The following AKAP19 variants were observed in gnomAD, a reference collection of about 807,000 sequenced individuals.
AKAP19 encodes A-kinase anchoring protein 19, also known as small A-kinase anchoring protein.
At chr2:190,073,179 T>A in the AKAP19 span, among the ~76,000 whole-genome samples, 1 of 152,086 alleles carries the variant, frequency 6.6e-6, no homozygotes, top group Non-Finnish European at 1.5e-5. Flanking sequence ...ACTGCAAAAG[T>A]ATTATGGAAA....
At chr2:189,923,872 C>A in the AKAP19 span, 1 of 1,610,708 alleles carries the variant, frequency 6.2e-7, no homozygotes, top group Non-Finnish European at 8.5e-7. Flanking sequence ...AAGGAGATGA[C>A]CTTCAGGCCA....
the AKAP19 span, among the ~76,000 whole-genome samples, chr2:190,122,905 G>A: frequency 6.6e-6 from 1 of 151,656 alleles, no homozygotes; most frequent in Non-Finnish European, 1.5e-5. Flanking sequence ...GAACACTTGG[G>A]CTCATGCTAT....
At chr2:189,928,042 A>C in the AKAP19 span, among the ~76,000 whole-genome samples, 1 of 152,144 alleles carries the variant, frequency 6.6e-6, no homozygotes, top group Admixed American at 6.5e-5. Context: ...AGTGACATTT[A>C]GATTTCATGT....
At chr2:189,945,850 T>C in the AKAP19 span, among the ~76,000 whole-genome samples, 1 of 152,198 alleles carries the variant, frequency 6.6e-6, no homozygotes, top group Non-Finnish European at 1.5e-5. Flanking sequence ...AAGTTAATAT[T>C]AAGTAGTCAT....
the AKAP19 span, among the ~76,000 whole-genome samples, chr2:190,101,896 T>G: frequency 4.6e-5 from 7 of 152,258 alleles, no homozygotes; most frequent in African/African-American, 1.7e-4. Flanking sequence ...AGAATATATA[T>G]ATTCTTCTCA....
At chr2:190,098,698 C>G in the AKAP19 span, among the ~76,000 whole-genome samples, 1 of 152,204 alleles carries the variant, frequency 6.6e-6, no homozygotes, top group African/African-American at 2.4e-5. Context: ...TCGACTTCTC[C>G]TCTCTAGCTA....
the AKAP19 span, among the ~76,000 whole-genome samples, chr2:190,018,680 T>C: frequency 1.3e-5 from 2 of 152,232 alleles, no homozygotes; most frequent in Non-Finnish European, 2.9e-5. Flanking sequence ...TATTTCCTTT[T>C]GGAGGAGTCA....
At chr2:190,142,760 G>A in the AKAP19 span, among the ~76,000 whole-genome samples, 1 of 152,224 alleles carries the variant, frequency 6.6e-6, no homozygotes, top group Non-Finnish European at 1.5e-5. Flanking sequence ...CCACTGTGCA[G>A]GCTCTTGATA....
At chr2:190,007,751 A>G in the AKAP19 span, among the ~76,000 whole-genome samples, 1 of 152,214 alleles carries the variant, frequency 6.6e-6, no homozygotes, top group Non-Finnish European at 1.5e-5. Context: ...GCCTGAGCTC[A>G]GGAGTTCGAG....
the AKAP19 span, among the ~76,000 whole-genome samples, chr2:190,068,542 G>T: frequency 6.6e-6 from 1 of 152,152 alleles, no homozygotes. Context: ...TGTTGGCTAG[G>T]CTGGTTTCGA....
At chr2:189,922,787 G>T in the AKAP19 span, among the ~76,000 whole-genome samples, 1 of 152,078 alleles carries the variant, frequency 6.6e-6, no homozygotes, top group Non-Finnish European at 1.5e-5. Context: ...TATTTTTAAA[G>T]TACTGTCTAT....
At chr2:189,991,060 A>G in the AKAP19 span, among the ~76,000 whole-genome samples, 31 of 152,286 alleles carry the variant, frequency 2.0e-4, no homozygotes, top group African/African-American at 7.0e-4. Flanking sequence ...ATTCCATGGT[A>G]TTATATATAC....
chr2:189,967,586 A>G, the AKAP19 span, among the ~76,000 whole-genome samples: 3 of 152,224 alleles, frequency 2.0e-5, no homozygotes, highest in Admixed American at 6.5e-5. Flanking sequence ...AGAGAATGTC[A>G]CCAAAAGAAA....
At chr2:189,908,065 A>T in the AKAP19 span, among the ~76,000 whole-genome samples, 1 of 151,594 alleles carries the variant, frequency 6.6e-6, no homozygotes, top group East Asian at 1.9e-4. Flanking sequence ...TTCTGCTCTA[A>T]TCTTTATCAT....
chr2:189,932,574 G>A, the AKAP19 span, among the ~76,000 whole-genome samples: 16 of 150,582 alleles, frequency 1.1e-4, no homozygotes, highest in African/African-American at 3.2e-4. Flanking sequence ...GTAGGAACTC[G>A]TGCACCTTTA....
chr2:190,008,072 G>A, the AKAP19 span, among the ~76,000 whole-genome samples: 1 of 152,184 alleles, frequency 6.6e-6, no homozygotes, highest in South Asian at 2.1e-4. Context: ...TAGCTAGAAA[G>A]CAAAGCTTCT....
chr2:190,187,815 T>C, the AKAP19 span, among the ~76,000 whole-genome samples: 1 of 152,196 alleles, frequency 6.6e-6, no homozygotes, highest in Non-Finnish European at 1.5e-5. Context: ...AACTGGCCAC[T>C]GTACTCCAGC....
At chr2:190,136,772 G>T in the AKAP19 span, among the ~76,000 whole-genome samples, 2 of 152,164 alleles carry the variant, frequency 1.3e-5, no homozygotes, top group African/African-American at 2.4e-5. Flanking sequence ...ATAGAATAAA[G>T]TAAATACAGA....
the AKAP19 span, among the ~76,000 whole-genome samples, chr2:190,160,343 T>C: frequency 6.6e-6 from 1 of 152,044 alleles, no homozygotes; most frequent in African/African-American, 2.4e-5. Flanking sequence ...ATAAGATTTT[T>C]TTTTTAACCA....
Sources: allele counts gnomAD v4.1 joint callset (sites outside exome capture counted in the v4.1 genomes callset), GRCh38; gene constraint gnomAD v4.1.1; transcripts MANE v1.5; gene names NCBI Gene and HGNC (gene_info 2026-07-23, HGNC 2026-07-21).